The following MACF1 variants were observed in gnomAD, a reference collection of about 807,000 sequenced individuals.
The protein encoded by MACF1 is microtubule actin crosslinking factor 1.
In MACF1, 193 loss-of-function variants were observed where a neutral mutation model predicts 854.8. That is an observed-to-expected ratio of 0.23 (90% confidence interval 0.20 to 0.25). MACF1 has a LOEUF of 0.25. Ranked by LOEUF, MACF1 falls within the 10% of genes least tolerant of loss-of-function variation. The pLI, the probability that MACF1 is intolerant of heterozygous loss-of-function variation, is 1.00. For synonymous variants in MACF1, 3,185 were observed against 3,226.7 expected, an observed-to-expected ratio of 0.99 and a Z score of 0.44; for missense variants, 7,722 against 8,929.1, an observed-to-expected ratio of 0.86 and a Z score of 5.45.
chr1:39,347,164 C>A lies in MACF1; in HGVS notation c.10769C>A (p.Ala3590Asp), dbSNP rs538820437. 1 of 1,614,008 alleles carries A rather than the reference C, an allele frequency of 6.2e-7. No individual in the cohort carries two copies. Among genetic ancestry groups the A allele is most frequent in the East Asian group, 2.2e-5 (1 of 44,882 alleles). The change falls in exon 41 of 101, where the codon GCC (alanine) becomes GAC (aspartate). Residue 3590 changes from alanine to aspartate, a missense_variant. Ala to Asp is a moderately radical substitution (Grantham distance 126). Around this residue, in one of 15 missense-constraint regions of MACF1, gnomAD observed 854 missense variants for 852.6 expected, o/e 1.00. Coordinates refer to ENST00000564288, the MANE Select transcript of MACF1 (RefSeq NM_001394062.1). ...GAACAGACTGCCGCTCAGGTGGATG[C>A]CTTGCAGGGCCATCTTCAACAAATG... ...ILEQTAAQVDALQGHLQQMEQ... is the reference protein window; with the variant it reads ...ILEQTAAQVDDLQGHLQQMEQ...
At chr1:39,303,587 C>T (rs1000326127) in intron 23 of MACF1, among the ~76,000 whole-genome samples, 3 of 150,598 alleles carry the variant, frequency 2.0e-5, no homozygotes, top group Non-Finnish European at 4.4e-5. Context: ...CACAGTGGCT[C>T]ATGTCTGTAA....
At chr1:39,194,597 C>T (rs1379218434) in intron 2 of MACF1, among the ~76,000 whole-genome samples, 2 of 151,914 alleles carry the variant, frequency 1.3e-5, no homozygotes, top group Non-Finnish European at 2.9e-5. Context: ...CCCGCCTCAG[C>T]CTTTTAATGT....
chr1:39,276,328 C>A (rs1396153246), intron 6 of MACF1, among the ~76,000 whole-genome samples: 6 of 152,032 alleles, frequency 3.9e-5, no homozygotes, highest in Non-Finnish European at 8.8e-5. Flanking sequence ...TTGCTCAGAA[C>A]AACTCGTCTC....
chr1:39,306,610 C>CTTTTTTTT (rs35360749), intron 23 of MACF1, among the ~76,000 whole-genome samples: 2 of 124,512 alleles, frequency 1.6e-5, no homozygotes, highest in African/African-American at 2.9e-5. Flanking sequence ...ACCATTCTAT[C>CTTTTTTTT]TTTTTTTTTT....
chr1:39,379,289 CT>C lies in MACF1; in HGVS notation c.13365del (p.Gln4456ArgfsTer28). On this transcript the variant is annotated frameshift_variant, in exon 54 of 101. Transcript: ENST00000564288. LOFTEE classifies it high-confidence loss of function. ...GGVLHERQES[L>X]QAILNRMEEV... ...AGTACTTCATGAACGCCAGGAAAGC[CT>C]TCAGGCTATCCTCAACAGAATGGAG... 6.2e-7 allele frequency: 1 copy of C among 1,613,452 alleles called. No homozygotes were observed. The highest frequency in any genetic ancestry group is 8.5e-7 in the Non-Finnish European group (1 of 1,179,774).
In MACF1 at chr1:39,310,362, C is replaced by A; in HGVS notation, c.3034C>A (p.Arg1012Ser). 1 of 1,614,098 alleles carries A rather than the reference C, an allele frequency of 6.2e-7. No individual in the cohort carries two copies. The highest frequency in any genetic ancestry group is 8.5e-7 in the Non-Finnish European group (1 of 1,180,002). The change falls in exon 25 of 101, where the codon CGC (arginine) becomes AGC (serine). Residue 1012 changes from arginine (R) to serine (S), a missense_variant. Arg to Ser is a moderately radical substitution (Grantham distance 110, BLOSUM62 -1). This residue lies in a region of MACF1 where 1,137 missense variants were observed against 1,263.0 expected (regional missense o/e 0.90). Transcript: ENST00000564288. ...SVLFSVADRL[R>S]LEEEVEACKA... ...GCTGTTCTCAGTGGCTGATCGCTTG[C>A]GCTTGGAAGAGGAGGTGGAAGCTTG...
At chr1:39,238,111 A>T (rs189278709) in intron 2 of MACF1, among the ~76,000 whole-genome samples, 226 of 152,354 alleles carry the variant, frequency 1.5e-3, no homozygotes, top group Middle Eastern at 3.4e-3. Context: ...CAGAGGGAGC[A>T]CCGAGCTTTG....
At chr1:39,419,791 C>T (rs1267469759) in intron 58 of MACF1, among the ~76,000 whole-genome samples, 4 of 127,732 alleles carry the variant, frequency 3.1e-5, no homozygotes, top group African/African-American at 1.2e-4. Flanking sequence ...CGCCACCATG[C>T]CTGGCTAGTG....
At chr1:39,138,967 G>C (rs1030938490) in intron 2 of MACF1, among the ~76,000 whole-genome samples, 2 of 152,090 alleles carry the variant, frequency 1.3e-5, no homozygotes, top group African/African-American at 4.8e-5. Flanking sequence ...GCCTGGCCTA[G>C]GCCAAATAAT....
intron 2 of MACF1, among the ~76,000 whole-genome samples, chr1:39,239,049 A>AGG (rs1221669664): frequency 6.6e-6 from 1 of 152,256 alleles, no homozygotes; most frequent in African/African-American, 2.4e-5. Flanking sequence ...TGGGAGACCG[A>AGG]GGGGGTGGAT....
chr1:39,217,083 T>A (rs1644585763), intron 1 of MACF1, among the ~76,000 whole-genome samples: 2 of 152,108 alleles, frequency 1.3e-5, no homozygotes, highest in African/African-American at 4.8e-5. Context: ...ATAGGGAGAA[T>A]GAATGAAGAT....
intron 27 of MACF1, among the ~76,000 whole-genome samples, 166 bp from the exon 28 acceptor site, chr1:39,316,225 A>C (rs1400303599): frequency 6.6e-6 from 1 of 152,258 alleles, no homozygotes; most frequent in Non-Finnish European, 1.5e-5. Context: ...AATTGGCAGC[A>C]TAAAAACCAC....
At chr1:39,470,322 T>C (rs777373033) in intron 97 of MACF1, among the ~76,000 whole-genome samples, 3 of 152,172 alleles carry the variant, frequency 2.0e-5, no homozygotes, top group Non-Finnish European at 4.4e-5. Flanking sequence ...AGAGTAAAAA[T>C]TCAGCAGTAA....
At chr1:39,188,875 A>T (rs575363968) in intron 2 of MACF1, among the ~76,000 whole-genome samples, 19 of 152,080 alleles carry the variant, frequency 1.2e-4, no homozygotes, top group African/African-American at 3.6e-4. Context: ...AAGTACTAGG[A>T]TTACAGGTGC....
Position 39,296,369 on chromosome 1 carries a change from C to A in MACF1, c.2355+487C>A, listed in dbSNP as rs570784946. On this transcript the variant is annotated intron_variant, in intron 20 of 100. Transcript: ENST00000564288. ...AGGTGAGGAGAAATAGACTCCACCT[C>A]TTGATGGGAGTAGCTGTAAAATATT... 2.6e-5 allele frequency among the ~76,000 whole-genome samples: 4 copies of A among 152,168 alleles called. No individual in the cohort carries two copies. In the East Asian group the frequency reaches 7.7e-4, roughly 29 times the overall value.
intron 40 of MACF1, among the ~76,000 whole-genome samples, chr1:39,341,254 G>T (rs1266460529): frequency 1.3e-5 from 2 of 150,786 alleles, no homozygotes; most frequent in Non-Finnish European, 3.0e-5. Flanking sequence ...GGCTGGTTTC[G>T]AACTCCTGAT....
In MACF1 at chr1:39,387,924, G is replaced by A; in HGVS notation, c.15082G>A (p.Gly5028Arg). 1 of 1,613,936 alleles carries A rather than the reference G, an allele frequency of 6.2e-7. No homozygotes were observed. Among genetic ancestry groups the A allele is most frequent in the Non-Finnish European group, 8.5e-7 (1 of 1,180,016 alleles). Reference sequence around the variant, plus strand: ...TAAGAATATTGAAAAGAAGGTTGAAGGAGCCAAACACCAACTTGAGATCTT... The same window carrying A: ...TAAGAATATTGAAAAGAAGGTTGAAAGAGCCAAACACCAACTTGAGATCTT... ...SFKNIEKKVE[G>R]AKHQLEIFDA... The change falls in exon 58 of 101, where the codon GGA becomes AGA. Residue 5028 changes from glycine (G) to arginine (R), a missense_variant. Physicochemically the swap from Gly to Arg is moderately radical, Grantham distance 125 (BLOSUM62 -2). Transcript: ENST00000564288.
chr1:39,424,310 C>T, intron 61 of MACF1, 116 bp downstream of exon 61: 2 of 781,962 alleles, frequency 2.6e-6, no homozygotes, highest in South Asian at 4.6e-5. Context: ...TGTTTAATGG[C>T]TTTTATTTGA....
chr1:39,177,528 T>C (rs1483843079), intron 2 of MACF1, among the ~76,000 whole-genome samples: 1 of 152,100 alleles, frequency 6.6e-6, no homozygotes, highest in Non-Finnish European at 1.5e-5. Context: ...AAAGGGAACA[T>C]CAGAGAGGGG....
Sources: gnomAD v4.1 joint callset for allele counts (sites outside exome capture counted in the v4.1 genomes callset) on GRCh38, gnomAD v4.1.1 for gene constraint, gnomAD v4.1.1 regional missense constraint, MANE v1.5 for transcripts, NCBI Gene and HGNC (gene_info 2026-07-23, HGNC 2026-07-21) for gene names.